Variants in TBC1D5 observed in about 807,000 individuals in gnomAD.
The protein encoded by TBC1D5 is TBC1 domain family, member 5.
In TBC1D5, 75 loss-of-function variants were observed where a neutral mutation model predicts 100.3. That is an observed-to-expected ratio of 0.75 (90% CI 0.62 to 0.91). The LOEUF (loss-of-function observed/expected upper bound fraction) is 0.91. Among genes scored for constraint, TBC1D5 ranks in the 40% least tolerant of loss-of-function variants. The probability of loss-of-function intolerance (pLI) is 0.00; values close to 1 mark genes in which losing one functional copy is unlikely to be tolerated. For missense variants in TBC1D5, 910 were observed against 942.4 expected (o/e 0.97, Z 0.45); for synonymous variants, 323 against 325.6 (o/e 0.99, Z 0.09).
At chr3:17,725,472 G>A (rs188275936) in intron 1 of TBC1D5, among the ~76,000 whole-genome samples, 33 of 151,640 alleles carry the variant, frequency 2.2e-4, no homozygotes, top group Admixed American at 5.3e-4. Flanking sequence ...ATTTTGGTTC[G>A]CTCATACTCT....
chr3:17,474,105 A>G (rs947394249), intron 3 of TBC1D5, among the ~76,000 whole-genome samples: 4 of 152,176 alleles, frequency 2.6e-5, no homozygotes, highest in Admixed American at 2.6e-4. Flanking sequence ...AGATGCAGAC[A>G]AAACTTTGAA....
intron 13 of TBC1D5, among the ~76,000 whole-genome samples, chr3:17,346,279 T>G (rs2089862236): frequency 6.6e-6 from 1 of 152,160 alleles, no homozygotes; most frequent in South Asian, 2.1e-4. Flanking sequence ...CTGAATTATT[T>G]TGGCTTCACC....
At chr3:17,736,256 C>A (rs1226018877) in intron 1 of TBC1D5, among the ~76,000 whole-genome samples, 1 of 151,976 alleles carries the variant, frequency 6.6e-6, no homozygotes, top group East Asian at 1.9e-4. Flanking sequence ...GAGACCTTGT[C>A]TCTAAAAAAT....
chr3:17,213,997 G>A (rs1051269049), intron 18 of TBC1D5, among the ~76,000 whole-genome samples: 3 of 41,662 alleles, frequency 7.2e-5, no homozygotes, highest in African/African-American at 1.4e-4. Flanking sequence ...TTAAAATGAT[G>A]CTACTTTTTT....
chr3:17,175,605 C>T (rs996762056), intron 19 of TBC1D5, among the ~76,000 whole-genome samples: 6 of 152,196 alleles, frequency 3.9e-5, no homozygotes, highest in African/African-American at 1.4e-4. Context: ...AGAAACATAG[C>T]TGATGCCTTA....
Position 17,542,419 on chromosome 3 carries a change from T to C in TBC1D5, c.-35-33814A>G, listed in dbSNP as rs151259344. ...GTTTTATAGAGCCAGGGTCTGGCTATGTTGTCCAGGCTGGTCTCAAACTTG... is the reference window on the plus strand; with the variant it reads ...GTTTTATAGAGCCAGGGTCTGGCTACGTTGTCCAGGCTGGTCTCAAACTTG... On this transcript the variant is annotated intron_variant, in intron 2 of 21. Transcript: ENST00000253692. Among the ~76,000 whole-genome samples the C allele has an allele frequency of 1.1e-4, 17 of 152,360 alleles. No individual in the cohort carries two copies. The East Asian group carries it at 3.3e-3, about 29-fold the overall frequency.
chr3:17,393,407 T>C (rs758824041), intron 8 of TBC1D5, among the ~76,000 whole-genome samples: 1 of 152,106 alleles, frequency 6.6e-6, no homozygotes, highest in Non-Finnish European at 1.5e-5. Context: ...CCCAAAGTAA[T>C]TTACAGATTC....
chr3:17,604,966 G>A (rs749556401), intron 2 of TBC1D5, among the ~76,000 whole-genome samples: 6 of 152,124 alleles, frequency 3.9e-5, no homozygotes, highest in South Asian at 2.1e-4. Flanking sequence ...GTGAACCACC[G>A]CACCCAGCCA....
chr3:17,583,773 C>T (rs1051479937), intron 2 of TBC1D5, among the ~76,000 whole-genome samples: 4 of 152,096 alleles, frequency 2.6e-5, no homozygotes, highest in Admixed American at 1.3e-4. Context: ...TAAAATGATG[C>T]AACTGCCATG....
At chr3:17,378,211 C>CT (rs2092788384) in intron 9 of TBC1D5, among the ~76,000 whole-genome samples, 1 of 151,748 alleles carries the variant, frequency 6.6e-6, no homozygotes, top group Admixed American at 6.6e-5. Flanking sequence ...TCCTTGTGAT[C>CT]TTTTTTTGCC....
intron 4 of TBC1D5, among the ~76,000 whole-genome samples, chr3:17,413,715 A>G (rs1050345997): frequency 6.6e-6 from 1 of 152,172 alleles, no homozygotes; most frequent in Non-Finnish European, 1.5e-5. Context: ...CATTGTCCCA[A>G]ATGGTGATAC....
intron 3 of TBC1D5, among the ~76,000 whole-genome samples, chr3:17,448,553 G>A (rs989823551): frequency 2.0e-5 from 3 of 152,212 alleles, no homozygotes; most frequent in Non-Finnish European, 4.4e-5. Flanking sequence ...GCTGCAGAAT[G>A]GATGCCGTGT....
chr3:17,238,444 C>A (rs1471939941), intron 16 of TBC1D5, 25 bp from the exon 17 acceptor site: 2 of 1,593,628 alleles, frequency 1.3e-6, no homozygotes, highest in Admixed American at 3.5e-5. Flanking sequence ...AATGGAGAAG[C>A]ATTATTTACA....
chr3:17,333,923 CAG>C (rs2087263532), intron 13 of TBC1D5, among the ~76,000 whole-genome samples: 1 of 122,840 alleles, frequency 8.1e-6, no homozygotes, highest in African/African-American at 3.0e-5. Context: ...AAGCAAGTAA[CAG>C]GGAGAATGGG....
chr3:17,739,934 G>C (rs1459181115), exon 1 of TBC1D5: 4 of 152,140 alleles, frequency 2.6e-5, no homozygotes, highest in African/African-American at 9.7e-5. Flanking sequence ...GAATCTGGGA[G>C]GCGGAGATTG....
exon 22 of TBC1D5, chr3:17,160,328 C>T (rs2065921857): frequency 6.6e-6 from 1 of 152,104 alleles, no homozygotes; most frequent in African/African-American, 2.4e-5. Flanking sequence ...AGCTTAGATC[C>T]TGTTTGCAGA....
rs933742480 is a variant in TBC1D5, at chr3:17,686,049, T to TA, written c.-101+53293dup. On this transcript the variant is annotated intron_variant, in intron 1 of 21. Coordinates refer to ENST00000253692, the Ensembl canonical transcript of TBC1D5. ...CAACTTGACAGTATCCAACTTTCTC[T>TA]ATTGGGGCTGACACACAAGCTGTTA... Among the ~76,000 whole-genome samples the TA allele has an allele frequency of 4.6e-5, 7 of 152,172 alleles. No homozygotes were observed. The East Asian group carries it at 1.3e-3, about 29-fold the overall frequency.
chr3:17,207,899 C>A (rs1451005368), intron 18 of TBC1D5, among the ~76,000 whole-genome samples: 2 of 152,172 alleles, frequency 1.3e-5, no homozygotes, highest in Non-Finnish European at 2.9e-5. Flanking sequence ...TGACCCTGAA[C>A]CACTTTAAAA....
At chr3:17,449,951 C>G (rs2094886747) in intron 3 of TBC1D5, among the ~76,000 whole-genome samples, 1 of 152,284 alleles carries the variant, frequency 6.6e-6, no homozygotes, top group African/African-American at 2.4e-5. Flanking sequence ...CATCTCCCAG[C>G]AGGGATCGGC....
Sources: gnomAD v4.1 joint callset for allele counts (sites outside exome capture counted in the v4.1 genomes callset) on GRCh38, gnomAD v4.1.1 for gene constraint, MANE v1.5 for transcripts, NCBI Gene and HGNC (gene_info 2026-07-23, HGNC 2026-07-21) for gene names.